The following GET1 variants were observed in gnomAD, a reference collection of about 807,000 sequenced individuals.
GET1 encodes the protein guided entry of tail-anchored proteins factor 1.
A neutral mutation model predicts 22.6 loss-of-function variants in GET1; 20 were observed. The observed-to-expected ratio is 0.89, with a 90% CI of 0.62 to 1.29. The LOEUF (loss-of-function observed/expected upper bound fraction) is 1.29, where lower values mean the gene tolerates loss of function less well. GET1 is among the 50% of genes most tolerant of loss of function. GET1 has a pLI of 0.00. For missense variants in GET1, 209 were observed against 219.9 expected, an observed-to-expected ratio of 0.95 and a Z score of 0.31; for synonymous variants, 92 against 83.8, an observed-to-expected ratio of 1.10 and a Z score of -0.53.
At chr21:39,410,088 CT>C, downstream of GET1, 3 of 1,601,608 alleles carry the variant, frequency 1.9e-6, no homozygotes, top group Non-Finnish European at 1.7e-6. Flanking sequence ...TTCCTGTTGC[CT>C]TTTTACCCTG....
chr21:39,405,291 A>G (rs2038983568), intron 4 of GET1, among the ~76,000 whole-genome samples: 3 of 152,170 alleles, frequency 2.0e-5, no homozygotes, highest in Admixed American at 2.0e-4. Context: ...CGACCTGGGC[A>G]CAAGTGATTC....
At chr21:39,406,238 G>A (rs1297942402) in exon 5 of GET1, 1 of 1,614,204 alleles carries the variant, frequency 6.2e-7, no homozygotes, top group Non-Finnish European at 8.5e-7. Context: ...CCTGTACTAT[G>A]ACTGTACCTC....
At chr21:39,409,923 G>T, downstream of GET1, 2 of 1,002,574 alleles carry the variant, frequency 2.0e-6, no homozygotes, top group Non-Finnish European at 3.1e-6. This position sits in a 1 kb window ranked among gnomAD's most constrained non-coding sequence, Gnocchi z 4.2. Context: ...TACACATATA[G>T]TAATTCACAA....
At chr21:39,399,119 C>T (rs1032584225), downstream of GET1, among the ~76,000 whole-genome samples, 2 of 152,234 alleles carry the variant, frequency 1.3e-5, no homozygotes, top group East Asian at 1.9e-4. Flanking sequence ...GTGCATCTTA[C>T]GACTCTTGTC....
chr21:39,412,485 G>T (rs1448645270), intron 1 of GET1, among the ~76,000 whole-genome samples: 1 of 152,216 alleles, frequency 6.6e-6, no homozygotes, highest in African/African-American at 2.4e-5. Context: ...AGGCAAGAAA[G>T]GCTTTGGACT....
intron 1 of GET1, among the ~76,000 whole-genome samples, chr21:39,415,373 A>T (rs2040951028): frequency 6.6e-6 from 1 of 152,192 alleles, no homozygotes. Flanking sequence ...AAATTAAAAT[A>T]TATAAAAAAA....
downstream of GET1, chr21:39,411,225 C>T (rs981967901): frequency 2.1e-5 from 5 of 243,372 alleles, no homozygotes; most frequent in Non-Finnish European, 3.3e-5. Context: ...TAGGGGACTA[C>T]TGACTGCAGG....
intron 1 of GET1, chr21:39,387,878 G>A: frequency 1.0e-6 from 1 of 971,042 alleles, no homozygotes; most frequent in Non-Finnish European, 1.2e-6. Flanking sequence ...GGGGAGGGGG[G>A]GGGATCTGAT....
At chr21:39,420,522 C>CAAAAAAAAAAAAAAAAAAAAAAAAA (rs397972848) in intron 1 of GET1, among the ~76,000 whole-genome samples, 1 of 87,158 alleles carries the variant, frequency 1.1e-5, no homozygotes. Context: ...GATTCTATCT[C>CAAAAAAAAAAAAAAAAAAAAAAAAA]AAAAAAAAAA....
downstream of GET1, chr21:39,411,037 G>T (rs2040008355): frequency 1.2e-5 from 5 of 428,612 alleles, no homozygotes; most frequent in Admixed American, 1.3e-4. Context: ...CCTCACCAAT[G>T]AGAGGTATAC....
Position 39,380,365 on chromosome 21 carries a change from C to G in GET1, c.-20C>G. Reference sequence around the variant, plus strand: ...CATGGAGCTGCCGTAGCGGACCCAGCACAGCCAGGAGCGTCCGGGATGAGC... The same window carrying G: ...CATGGAGCTGCCGTAGCGGACCCAGGACAGCCAGGAGCGTCCGGGATGAGC... On this transcript the variant is annotated 5_prime_UTR_variant, in exon 1 of 5. Transcript: ENST00000649170. 6.3e-7 allele frequency: 1 copy of G among 1,585,764 alleles called. No individual in the cohort carries two copies.
chr21:39,407,850 T>C (rs2039363137), downstream of GET1: 1 of 152,254 alleles, frequency 6.6e-6, no homozygotes, highest in Admixed American at 6.5e-5. Flanking sequence ...AACACACCAG[T>C]GACCACAGTG....
intron 4 of GET1, among the ~76,000 whole-genome samples, chr21:39,394,662 C>G (rs2038522531): frequency 6.6e-6 from 1 of 152,122 alleles, no homozygotes; most frequent in Admixed American, 6.5e-5. Flanking sequence ...TCACTATGTC[C>G]TTGCATGGTG....
In GET1 at chr21:39,397,068, G is replaced by A. The variant is rs1482206975; in HGVS notation, c.*129G>A. 5 of 953,818 alleles carry A rather than the reference G, an allele frequency of 5.2e-6. No individual in the cohort carries two copies. The African/African-American group carries it at 6.6e-5, about 13-fold the overall frequency. The allele number at this position is 953,818 out of a possible 1,614,324, so 59.1% of individuals were successfully genotyped here. ...TTTAGATTTTTTTTTTGTTGAATAT[G>A]TTTGTTCTTGGACTTTATGAGAGAG... On this transcript the variant is annotated 3_prime_UTR_variant, in exon 5 of 5. Transcript: ENST00000649170.
At chr21:39,411,128 C>G (rs913247682), downstream of GET1, 17 of 322,792 alleles carry the variant, frequency 5.3e-5, no homozygotes, top group Non-Finnish European at 9.1e-5. Context: ...AAGGGTGCAG[C>G]TGTGGGATTC....
intron 1 of GET1, among the ~76,000 whole-genome samples, chr21:39,419,857 C>A (rs1301148137): frequency 6.6e-6 from 1 of 151,976 alleles, no homozygotes; most frequent in Non-Finnish European, 1.5e-5. Context: ...ATCTTGAAGG[C>A]AGAAAGATAG....
Position 39,418,509 on chromosome 21 carries a change from A to T in GET1, c.*23+7572A>T, listed in dbSNP as rs559842470. Among the ~76,000 whole-genome samples, 635 of 151,698 alleles carry T rather than the reference A, an allele frequency of 4.2e-3. 6 individuals are homozygous for T. The highest frequency in any genetic ancestry group is 0.015 in the African/African-American group (612 of 41,354). On this transcript the variant is annotated intron_variant, in intron 1 of 1. Coordinates refer to the GET1 transcript ENST00000478273. ...TGGTTATTTTTATTTTATTTTTTTT[A>T]AATTTTTTTGAGATGGAGCCTCACT...
At position 39,414,742 on chromosome 21, in the gene GET1, C is replaced by CTCTGTGTGTGTG. The variant is rs1341489035; in HGVS notation, c.*23+3806_*23+3807insCTGTGTGTGTGT. ...TCTCTCTCTCTCTCTCTCTCTCTCT[C>CTCTGTGTGTGTG]TGTGTGTGTGTGTGTGTGTGTGTGT... On this transcript the variant is annotated intron_variant, in intron 1 of 1. Coordinates refer to the GET1 transcript ENST00000478273. Among the ~76,000 whole-genome samples the CTCTGTGTGTGTG allele has an allele frequency of 2.7e-3, 269 of 99,208 alleles. 3 individuals are homozygous for CTCTGTGTGTGTG. The highest frequency in any genetic ancestry group is 0.011 in the African/African-American group (245 of 22,726). 65.1% of individuals were successfully genotyped at this position (99,208 alleles called of 152,430 possible). A position where few individuals can be genotyped will look rare whatever the true frequency, so the allele number is the denominator to read the frequency against.
intron 1 of GET1, 78 bp downstream of exon 1, chr21:39,380,564 G>C (rs978342060): frequency 1.4e-5 from 21 of 1,546,772 alleles, no homozygotes; most frequent in Non-Finnish European, 1.7e-5. Flanking sequence ...TAGGTACAGG[G>C]GTCTCAACTG....
Sources: gnomAD v4.1 joint callset for allele counts (sites outside exome capture counted in the v4.1 genomes callset) on GRCh38, gnomAD v4.1.1 for gene constraint, Gnocchi (gnomAD v3.1) non-coding constraint, MANE v1.5 for transcripts, NCBI Gene and HGNC (gene_info 2026-07-23, HGNC 2026-07-21) for gene names.